The following PDCD6IP variants were observed in gnomAD, a reference collection of about 807,000 sequenced individuals.
PDCD6IP encodes the protein programmed cell death 6 interacting protein.
A neutral mutation model predicts 103.7 loss-of-function variants in PDCD6IP; 43 were observed. The ratio of observed to expected loss-of-function variants is 0.41; its 90% CI spans 0.32 to 0.53. The LOEUF (loss-of-function observed/expected upper bound fraction) is 0.53. Among genes scored for constraint, PDCD6IP ranks in the 20% least tolerant of loss-of-function variants. PDCD6IP has a pLI of 0.16. For missense variants in PDCD6IP, 871 were observed against 1,036.7 expected (o/e 0.84, Z 2.20); for synonymous variants, 354 against 378.7 (o/e 0.93, Z 0.76).
intron 1 of PDCD6IP, among the ~76,000 whole-genome samples, chr3:33,804,529 T>C (rs1433592545): frequency 6.6e-6 from 1 of 152,270 alleles, no homozygotes; most frequent in Non-Finnish European, 1.5e-5. Flanking sequence ...GGCAGACCTT[T>C]TTGGCTCCGT....
rs924519844 is a variant in PDCD6IP at position 33,798,633 on chromosome 3, C to T, written c.-96C>T. 1 of 1,183,874 alleles carries T rather than the reference C, an allele frequency of 8.4e-7. No individual in the cohort carries two copies. The highest frequency in any genetic ancestry group is 1.2e-6 in the Non-Finnish European group (1 of 865,224). The allele number at this position is 1,183,874 out of a possible 1,614,324, so 73.3% of individuals were successfully genotyped here. ...GCGGAGCGCAAGTCTGTCAGCCAGT[C>T]AGTCCGCCAGTCCGCCAGCCCAGTA... On this transcript the variant is annotated 5_prime_UTR_variant, in exon 1 of 18. Coordinates refer to ENST00000307296, the MANE Select transcript of PDCD6IP (RefSeq NM_013374.6).
intron 1 of PDCD6IP, among the ~76,000 whole-genome samples, chr3:33,803,808 T>A (rs1696531911): frequency 6.6e-6 from 1 of 152,172 alleles, no homozygotes. Flanking sequence ...TAAAAAATGT[T>A]CTTTGTTCCT....
intron 9 of PDCD6IP, 82 bp from the exon 10 acceptor site, chr3:33,841,815 A>C: frequency 1.1e-6 from 1 of 920,248 alleles, no homozygotes; most frequent in Non-Finnish European, 1.7e-6. Flanking sequence ...TGGTTATAGA[A>C]TACTAAATTA....
chr3:33,812,467 C>T (rs1696741119), intron 2 of PDCD6IP, among the ~76,000 whole-genome samples: 4 of 152,190 alleles, frequency 2.6e-5, no homozygotes, highest in Non-Finnish European at 5.9e-5. Flanking sequence ...TTATTAGTCT[C>T]AGTTTATGTG....
At chr3:33,799,056 A>T (rs993110275) in intron 1 of PDCD6IP, 119 bp downstream of exon 1, 1 of 987,678 alleles carries the variant, frequency 1.0e-6, no homozygotes. Context: ...TCCCGGCCTG[A>T]CCAGGCGCGT....
At chr3:33,828,752 T>C (rs757599154) in intron 6 of PDCD6IP, 101 bp from the exon 7 acceptor site, 1 of 1,298,868 alleles carries the variant, frequency 7.7e-7, no homozygotes, top group East Asian at 2.4e-5. Flanking sequence ...AATGGGGTGA[T>C]TCTAATTTCT....
chr3:33,836,580 A>T (rs13073514), intron 8 of PDCD6IP, among the ~76,000 whole-genome samples: 5 of 151,760 alleles, frequency 3.3e-5, no homozygotes, highest in Admixed American at 2.0e-4. Flanking sequence ...ATATGGCTGG[A>T]TGTGGTGGCT....
chr3:33,844,127 G>T lies in PDCD6IP; in HGVS notation c.1375G>T (p.Asp459Tyr). The part of the protein sequence containing the change: ...EILDESLRLL[D>Y]EEEATDNDLR... ...CCTTTTAAAGTCATTAAGGTTGTTGGATGAAGAAGAAGCAACCGATAATGA... is the reference window on the plus strand; with the variant it reads ...CCTTTTAAAGTCATTAAGGTTGTTGTATGAAGAAGAAGCAACCGATAATGA... Residue 459 changes from aspartate to tyrosine, a missense_variant, in exon 11 of 18, where the codon GAT (aspartate) becomes TAT (tyrosine). By Grantham distance (160) the Asp-to-Tyr change is radical. Coordinates refer to ENST00000307296, the MANE Select transcript of PDCD6IP (RefSeq NM_013374.6). The T allele has an allele frequency of 6.3e-7, 1 of 1,597,134 alleles. No homozygotes were observed. The highest frequency in any genetic ancestry group is 8.5e-7 in the Non-Finnish European group (1 of 1,174,950).
intron 12 of PDCD6IP, among the ~76,000 whole-genome samples, chr3:33,852,115 C>T (rs1697727441): frequency 6.6e-6 from 1 of 152,146 alleles, no homozygotes; most frequent in South Asian, 2.1e-4. Flanking sequence ...GCTGTATAAC[C>T]ATGTCACTTA....
chr3:33,867,746 T>A lies in PDCD6IP; in HGVS notation c.*1221T>A, dbSNP rs1278211055. 1 of 152,126 alleles carries A rather than the reference T, an allele frequency of 6.6e-6. No homozygotes were observed. The highest frequency in any genetic ancestry group is 1.9e-4 in the East Asian group (1 of 5,196). 9.4% of individuals were successfully genotyped at this position (152,126 alleles called of 1,614,324 possible). On this transcript the variant is annotated 3_prime_UTR_variant, in exon 18 of 18. Transcript: ENST00000307296. ...AGGAATGAGTTGTCTAACATCACAG[T>A]GGGATCTGTTTTTTGTGAGGTTCAT...
At chr3:33,860,862 G>A (rs9822671) in intron 15 of PDCD6IP, among the ~76,000 whole-genome samples, 44,462 of 151,948 alleles carry the variant, frequency 0.29, 6,732 homozygotes, top group East Asian at 0.41. Context: ...CTGCTGTCCA[G>A]TATTGCTGGT....
chr3:33,856,725 C>A (rs1338689379), intron 15 of PDCD6IP, among the ~76,000 whole-genome samples: 1 of 151,812 alleles, frequency 6.6e-6, no homozygotes, highest in East Asian at 1.9e-4. Context: ...GGCAGTCAGG[C>A]AAAACAGTCA....
rs1224825755 is a variant in PDCD6IP, at chr3:33,838,461, C to A, written c.1181+134C>A. The A allele has an allele frequency of 5.1e-6, 4 of 787,890 alleles. No individual in the cohort carries two copies. In the African/African-American group the frequency reaches 5.2e-5, roughly 10 times the overall value. 48.8% of individuals were successfully genotyped at this position (787,890 alleles called of 1,614,324 possible). On this transcript the variant is annotated intron_variant, in intron 9 of 17. Coordinates refer to ENST00000307296, the MANE Select transcript of PDCD6IP (RefSeq NM_013374.6). ...AGAAAATGTAGACACACACTTACAACTATTTTTGTTGGACACTGTATTTAT... is the reference window on the plus strand; with the variant it reads ...AGAAAATGTAGACACACACTTACAAATATTTTTGTTGGACACTGTATTTAT...
chr3:33,857,096 C>G (rs1697845961), intron 15 of PDCD6IP, among the ~76,000 whole-genome samples: 1 of 152,080 alleles, frequency 6.6e-6, no homozygotes, highest in African/African-American at 2.4e-5. Context: ...TAACAAAGAG[C>G]AGGTTAGTTG....
At chr3:33,844,302 C>T (rs1015018013) in intron 11 of PDCD6IP, 79 bp downstream of exon 11, 7 of 705,116 alleles carry the variant, frequency 9.9e-6, no homozygotes, top group African/African-American at 7.4e-5. Flanking sequence ...AAATTAGGCT[C>T]AGTTGTAAAT....
At chr3:33,833,926 T>C (rs1697292334) in intron 7 of PDCD6IP, among the ~76,000 whole-genome samples, 1 of 150,952 alleles carries the variant, frequency 6.6e-6, no homozygotes, top group South Asian at 2.1e-4. Flanking sequence ...CTCTGGCTCT[T>C]AAAGCCTACC....
chr3:33,801,921 TGGG>T (rs1487678438), intron 1 of PDCD6IP, among the ~76,000 whole-genome samples: 1 of 152,220 alleles, frequency 6.6e-6, no homozygotes, highest in Non-Finnish European at 1.5e-5. Context: ...GAATGGAGGT[TGGG>T]GATCTTAACA....
intron 3 of PDCD6IP, among the ~76,000 whole-genome samples, chr3:33,816,447 G>A (rs904891389): frequency 6.8e-6 from 1 of 146,330 alleles, no homozygotes; most frequent in Admixed American, 6.9e-5. Context: ...AGAGGTTGCA[G>A]TGAGCTGAGA....
intron 12 of PDCD6IP, among the ~76,000 whole-genome samples, chr3:33,850,219 T>C (rs1021301164): frequency 2.0e-5 from 3 of 152,230 alleles, no homozygotes; most frequent in African/African-American, 7.2e-5. Flanking sequence ...GATTGCACAG[T>C]AACTAAGTCC....
Sources: gnomAD v4.1 joint callset for allele counts (sites outside exome capture counted in the v4.1 genomes callset) on GRCh38, gnomAD v4.1.1 for gene constraint, MANE v1.5 for transcripts, NCBI Gene and HGNC (gene_info 2026-07-23, HGNC 2026-07-21) for gene names.